Variants in LRRC4C observed in about 807,000 individuals in gnomAD.
LRRC4C encodes the protein leucine-rich repeat-containing protein 4C.
A neutral mutation model predicts 33.6 loss-of-function variants in LRRC4C; 5 were observed. The observed-to-expected ratio is 0.15, with a 90% confidence interval of 0.08 to 0.31. The LOEUF is 0.31. Among genes scored for constraint, LRRC4C ranks in the 10% least tolerant of loss-of-function variants. The probability of loss-of-function intolerance (pLI) is 1.00; values close to 1 mark genes in which losing one functional copy is unlikely to be tolerated. For synonymous variants in LRRC4C, 329 were observed against 302.0 expected (o/e 1.09, Z -0.93); for missense variants, 560 against 796.7 (o/e 0.70, Z 3.58).
intron 2 of LRRC4C, among the ~76,000 whole-genome samples, chr11:40,792,066 T>A (rs1250147834): frequency 6.6e-6 from 1 of 152,180 alleles, no homozygotes; most frequent in Non-Finnish European, 1.5e-5. Flanking sequence ...TGAACTTTTT[T>A]AACTATAAGC....
At chr11:40,233,191 A>T (rs6485190) in intron 5 of LRRC4C, among the ~76,000 whole-genome samples, 132,069 of 152,170 alleles carry the variant, frequency 0.87, 58,071 homozygotes, top group East Asian at 0.98. Flanking sequence ...CACTCATTTT[A>T]TAGATTTCCA....
At chr11:40,917,267 T>C (rs1016778127) in intron 2 of LRRC4C, among the ~76,000 whole-genome samples, 1 of 152,174 alleles carries the variant, frequency 6.6e-6, no homozygotes. Context: ...AAATATGCAT[T>C]TGTGACTCAG....
At chr11:40,921,446 A>G (rs1004684640) in intron 2 of LRRC4C, among the ~76,000 whole-genome samples, 1 of 152,178 alleles carries the variant, frequency 6.6e-6, no homozygotes, top group Non-Finnish European at 1.5e-5. Context: ...CTACAGCTGC[A>G]AAGAGCTGAA....
intron 1 of LRRC4C, among the ~76,000 whole-genome samples, chr11:41,420,298 A>C (rs1458894405): frequency 6.6e-6 from 1 of 151,974 alleles, no homozygotes. Context: ...AGTTCACAGG[A>C]AGACTTCTGA....
At chr11:40,737,835 A>G (rs886676474) in intron 2 of LRRC4C, among the ~76,000 whole-genome samples, 7 of 152,166 alleles carry the variant, frequency 4.6e-5, no homozygotes, top group South Asian at 2.1e-4. Flanking sequence ...CCATCAAGCT[A>G]CCATTGACTT....
At chr11:40,332,802 C>T (rs1946422098) in intron 3 of LRRC4C, among the ~76,000 whole-genome samples, 1 of 152,160 alleles carries the variant, frequency 6.6e-6, no homozygotes, top group African/African-American at 2.4e-5. Flanking sequence ...CTTTTAGCTA[C>T]CTTATCTATT....
At chr11:41,221,014 G>T (rs948004216) in intron 1 of LRRC4C, among the ~76,000 whole-genome samples, 4 of 151,994 alleles carry the variant, frequency 2.6e-5, no homozygotes, top group Non-Finnish European at 5.9e-5. Context: ...TAAGTTCGGG[G>T]GTACAAATGT....
chr11:40,458,434 T>C (rs1952236749), intron 3 of LRRC4C, among the ~76,000 whole-genome samples: 1 of 152,188 alleles, frequency 6.6e-6, no homozygotes, highest in East Asian at 1.9e-4. Context: ...CATCAAGTAA[T>C]TCATAATTTC....
chr11:40,243,264 T>G (rs1866063114), intron 4 of LRRC4C, among the ~76,000 whole-genome samples: 1 of 152,180 alleles, frequency 6.6e-6, no homozygotes, highest in African/African-American at 2.4e-5. Flanking sequence ...TTCAAGCAAT[T>G]TTAGCAGTGG....
chr11:40,114,256 G>GT lies in LRRC4C; in HGVS notation c.*113dup, dbSNP rs1564996843. The stretch of plus-strand genomic sequence containing the variant: ...AATAAATAAATTTCTTTTCTTTTTT[G>GT]TTTTTTTGTAAAGACACTTTTTTGA... On this transcript the variant is annotated 3_prime_UTR_variant, in exon 7 of 7. Transcript: ENST00000528697. The GT allele has an allele frequency of 1.7e-6, 2 of 1,183,740 alleles. No homozygotes were observed. Among genetic ancestry groups the GT allele is most frequent in the East Asian group, 2.6e-5 (1 of 37,748 alleles). The allele number at this position is 1,183,740 out of a possible 1,614,324, so 73.3% of individuals were successfully genotyped here. A position where few individuals can be genotyped will look rare whatever the true frequency, so the allele number is the denominator to read the frequency against.
intron 1 of LRRC4C, among the ~76,000 whole-genome samples, chr11:41,228,134 TTCTA>T (rs1272208131): frequency 3.3e-5 from 5 of 152,100 alleles, no homozygotes; most frequent in African/African-American, 7.2e-5. Flanking sequence ...TCACCTATCT[TTCTA>T]TCTATGTTAT....
At chr11:40,668,441 AT>A (rs1255891203) in intron 2 of LRRC4C, among the ~76,000 whole-genome samples, 1 of 152,204 alleles carries the variant, frequency 6.6e-6, no homozygotes, top group Non-Finnish European at 1.5e-5. Context: ...CAAATTTTAA[AT>A]TTTAAATGGT....
At chr11:40,388,204 A>G (rs572810188) in intron 3 of LRRC4C, among the ~76,000 whole-genome samples, 1 of 152,156 alleles carries the variant, frequency 6.6e-6, no homozygotes, top group African/African-American at 2.4e-5. Flanking sequence ...GGGCAAAAAG[A>G]TGAGGCCCGG....
intron 5 of LRRC4C, among the ~76,000 whole-genome samples, chr11:40,219,073 C>T (rs1864214829): frequency 6.6e-6 from 1 of 152,202 alleles, no homozygotes; most frequent in Admixed American, 6.5e-5. Flanking sequence ...TTGCCCATCC[C>T]TCACATACAC....
At chr11:41,094,652 T>C (rs78785913) in intron 1 of LRRC4C, among the ~76,000 whole-genome samples, 4,403 of 152,330 alleles carry the variant, frequency 0.029, 229 homozygotes, top group African/African-American at 0.1. Flanking sequence ...ACTGTTCTTA[T>C]CACTATTTAG....
chr11:40,416,006 GATT>G (rs1346205313), intron 3 of LRRC4C, among the ~76,000 whole-genome samples: 2 of 152,084 alleles, frequency 1.3e-5, no homozygotes, highest in African/African-American at 4.8e-5. Context: ...GCAATATAAA[GATT>G]ATGTTAAAAT....
intron 3 of LRRC4C, among the ~76,000 whole-genome samples, chr11:40,572,607 AG>A (rs1429782715): frequency 6.6e-6 from 1 of 152,172 alleles, no homozygotes; most frequent in Non-Finnish European, 1.5e-5. Flanking sequence ...AGTGAGTTAC[AG>A]GGCAGGGGCC....
At chr11:40,590,272 T>G (rs550731528) in intron 3 of LRRC4C, among the ~76,000 whole-genome samples, 4,799 of 151,620 alleles carry the variant, frequency 0.032, 264 homozygotes, top group African/African-American at 0.11. Context: ...GATCGCATCG[T>G]CTCCTGAGGC....
intron 2 of LRRC4C, among the ~76,000 whole-genome samples, chr11:40,719,159 G>C (rs1268204894): frequency 6.6e-6 from 1 of 152,148 alleles, no homozygotes; most frequent in Non-Finnish European, 1.5e-5. Flanking sequence ...GCTGTCAAAA[G>C]ATAAAGGCTT....
Sources: allele counts gnomAD v4.1 joint callset (sites outside exome capture counted in the v4.1 genomes callset), GRCh38; gene constraint gnomAD v4.1.1; transcripts MANE v1.5; gene names NCBI Gene and HGNC (gene_info 2026-07-23, HGNC 2026-07-21).